Variants in GAB1 observed in about 807,000 individuals in gnomAD.
GAB1 encodes GRB2 associated binding protein 1.
GAB1 carries 19 observed loss-of-function variants against 66.5 expected under a neutral mutation model. That is an observed-to-expected ratio of 0.29 (90% CI 0.20 to 0.42). The LOEUF is 0.42. GAB1 is among the 10% of genes least tolerant of loss of function. GAB1 has a pLI of 1.00. For missense variants in GAB1, 732 were observed against 858.5 expected (o/e 0.85, Z 1.84); for synonymous variants, 294 against 301.4 (o/e 0.98, Z 0.25).
intron 8 of GAB1, among the ~76,000 whole-genome samples, chr4:143,462,067 C>T (rs1274450757): frequency 6.6e-6 from 1 of 152,098 alleles, no homozygotes; most frequent in Non-Finnish European, 1.5e-5. Flanking sequence ...GCCTGGGCAA[C>T]ATAGCGAGAC....
chr4:143,381,151 C>T (rs571583560), intron 1 of GAB1, among the ~76,000 whole-genome samples: 1 of 152,288 alleles, frequency 6.6e-6, no homozygotes, highest in African/African-American at 2.4e-5. Context: ...AATGCCAGTG[C>T]TACCTCTCCC....
chr4:143,366,164 C>A (rs570237799), intron 1 of GAB1, among the ~76,000 whole-genome samples: 5 of 152,206 alleles, frequency 3.3e-5, no homozygotes, highest in African/African-American at 1.2e-4. Flanking sequence ...AAGGTCACTT[C>A]CAGCTCTGAA....
At chr4:143,383,365 C>A (rs1730736700) in intron 1 of GAB1, among the ~76,000 whole-genome samples, 1 of 152,210 alleles carries the variant, frequency 6.6e-6, no homozygotes. Context: ...AAACCACATT[C>A]TTTGTCCTCT....
intron 2 of GAB1, chr4:143,425,789 T>A: frequency 1.3e-6 from 1 of 783,168 alleles, no homozygotes; most frequent in Non-Finnish European, 2.3e-6. Flanking sequence ...CACACTGATC[T>A]GAAGGCATGC....
At chr4:143,465,373 A>G (rs1735727808) in intron 8 of GAB1, among the ~76,000 whole-genome samples, 1 of 152,096 alleles carries the variant, frequency 6.6e-6, no homozygotes, top group Admixed American at 6.5e-5. Context: ...ATCATCTGAA[A>G]TGGTTATTTA....
Position 143,407,149 on chromosome 4 carries a change from T to G in GAB1, c.73-8328T>G, listed in dbSNP as rs748681236. On this transcript the variant is annotated intron_variant, in intron 1 of 9. Transcript: ENST00000262994. The stretch of plus-strand genomic sequence containing the variant: ...AACTATACAATATTACCTATATACC[T>G]TTTTTCTAAGAAAAGTTTTCATTGC... Among the ~76,000 whole-genome samples the G allele has an allele frequency of 1.4e-4, 22 of 152,294 alleles. 1 individual carries two copies. The highest frequency in any genetic ancestry group is 1.2e-3 in the South Asian group (6 of 4,826).
chr4:143,350,035 C>A, intron 1 of GAB1: 11 of 1,553,318 alleles, frequency 7.1e-6, no homozygotes, highest in South Asian at 2.3e-5. Flanking sequence ...ACTGCCGAAA[C>A]CTCCGCGGAA....
chr4:143,434,018 A>G (rs1733812517), intron 3 of GAB1: 1 of 857,016 alleles, frequency 1.2e-6, no homozygotes, highest in Non-Finnish European at 1.7e-6. Flanking sequence ...TCACAGTATT[A>G]CTTGCTTAAC....
chr4:143,396,363 A>C (rs1187324256), intron 1 of GAB1, among the ~76,000 whole-genome samples: 1 of 152,254 alleles, frequency 6.6e-6, no homozygotes, highest in Non-Finnish European at 1.5e-5. Context: ...ATAAACCTTG[A>C]AAATGTAAAC....
intron 1 of GAB1, among the ~76,000 whole-genome samples, chr4:143,385,662 T>C (rs1385621625): frequency 6.6e-6 from 1 of 152,212 alleles, no homozygotes; most frequent in Non-Finnish European, 1.5e-5. Flanking sequence ...CAGATCATTT[T>C]CATTTACATC....
chr4:143,467,830 T>A (rs908879422), intron 9 of GAB1, among the ~76,000 whole-genome samples: 17 of 152,288 alleles, frequency 1.1e-4, no homozygotes, highest in African/African-American at 3.6e-4. Context: ...TTTTTGAGAT[T>A]GACATTCATC....
chr4:143,360,591 C>T (rs1203781906), intron 1 of GAB1, among the ~76,000 whole-genome samples: 2 of 152,078 alleles, frequency 1.3e-5, no homozygotes, highest in African/African-American at 2.4e-5. Context: ...AACTCTTTTT[C>T]CTGTAAGTTC....
At chr4:143,382,239 ATATT>A (rs774088420) in intron 1 of GAB1, among the ~76,000 whole-genome samples, 1 of 152,184 alleles carries the variant, frequency 6.6e-6, no homozygotes, top group Non-Finnish European at 1.5e-5. Flanking sequence ...GGTTAACTAA[ATATT>A]TATTTAAGGC....
At chr4:143,380,027 T>C (rs184647976) in intron 1 of GAB1, among the ~76,000 whole-genome samples, 124 of 149,396 alleles carry the variant, frequency 8.3e-4, no homozygotes, top group Middle Eastern at 3.4e-3. Context: ...AATTAGGCAT[T>C]AGCATACTAG....
intron 1 of GAB1, among the ~76,000 whole-genome samples, chr4:143,405,382 T>C (rs965414579): frequency 1.2e-4 from 18 of 152,148 alleles, no homozygotes; most frequent in African/African-American, 4.3e-4. Flanking sequence ...AGTCCCAGGG[T>C]TCATAATTGA....
At chr4:143,451,447 T>C (rs993705646) in intron 6 of GAB1, among the ~76,000 whole-genome samples, 2 of 152,092 alleles carry the variant, frequency 1.3e-5, no homozygotes, top group Non-Finnish European at 2.9e-5. Context: ...TTATTCTGAG[T>C]GTACCATTAA....
At chr4:143,454,206 A>G (rs916087543) in intron 6 of GAB1, among the ~76,000 whole-genome samples, 2 of 152,230 alleles carry the variant, frequency 1.3e-5, no homozygotes, top group African/African-American at 4.8e-5. Context: ...CATATTCTCC[A>G]TGACTTCCCC....
chr4:143,359,672 C>T (rs1260039704), intron 1 of GAB1, among the ~76,000 whole-genome samples: 1 of 152,190 alleles, frequency 6.6e-6, no homozygotes. Flanking sequence ...TTTTCATATT[C>T]ATTTATAATC....
chr4:143,429,522 G>T (rs73850419), intron 2 of GAB1, among the ~76,000 whole-genome samples: 161 of 152,280 alleles, frequency 1.1e-3, no homozygotes, highest in African/African-American at 3.6e-3. Context: ...TTGTGAGTTG[G>T]GTAAACGCCT....
Sources: gnomAD v4.1 joint callset for allele counts (sites outside exome capture counted in the v4.1 genomes callset) on GRCh38, gnomAD v4.1.1 for gene constraint, MANE v1.5 for transcripts, NCBI Gene and HGNC (gene_info 2026-07-23, HGNC 2026-07-21) for gene names.